TNPO3: variants seen among roughly 807,000 people sequenced by gnomAD.
TNPO3 encodes transportin-3.
Under a neutral mutation model 122.8 loss-of-function variants are expected in TNPO3, and 65 were observed. The observed-to-expected ratio is 0.53, with a 90% CI of 0.43 to 0.65. TNPO3 has a LOEUF of 0.65. Ranked by LOEUF, TNPO3 falls within the 30% of genes least tolerant of loss-of-function variation. TNPO3 has a pLI of 0.00. For missense variants in TNPO3, 850 were observed against 1,136.7 expected (o/e 0.75, Z 3.63); for synonymous variants, 372 against 411.2 (o/e 0.90, Z 1.15).
chr7:129,021,260 C>A (rs144555140), intron 1 of TNPO3, among the ~76,000 whole-genome samples: 3 of 151,390 alleles, frequency 2.0e-5, no homozygotes, highest in African/African-American at 7.3e-5. Context: ...GAGGCTGAGA[C>A]GGCAGAATCA....
intron 16 of TNPO3, among the ~76,000 whole-genome samples, chr7:128,978,577 T>C (rs907984728): frequency 2.8e-4 from 43 of 152,210 alleles, no homozygotes; most frequent in Non-Finnish European, 3.2e-4. Context: ...GGCACTAATC[T>C]CTTTCAAGTG....
chr7:129,009,233 G>A (rs1802916597), intron 4 of TNPO3, among the ~76,000 whole-genome samples: 2 of 152,170 alleles, frequency 1.3e-5, no homozygotes, highest in Non-Finnish European at 2.9e-5. Flanking sequence ...AGAGCAAGCA[G>A]AAACACGTTT....
At position 128,993,809 on chromosome 7, in the gene TNPO3, G is replaced by C; in HGVS notation, c.1264C>G (p.Gln422Glu). ...AAACAATCTCCAAATAGGCTTACCTGAGCAAAACACTCCATAGACCCTATC... is the reference window on the plus strand; with the variant it reads ...AAACAATCTCCAAATAGGCTTACCTCAGCAAAACACTCCATAGACCCTATC... ...FLIGSMECFA[Q>E]LYSTLKEGNP... Residue 422 changes from glutamine (Q) to glutamate (E), a missense_variant and splice_region_variant, in exon 9 of 23, where the codon CAG becomes GAG. Gln to Glu is a conservative substitution (Grantham distance 29). Coordinates refer to ENST00000265388, the MANE Select transcript of TNPO3 (RefSeq NM_012470.4). 6.2e-7 allele frequency: 1 copy of C among 1,612,476 alleles called. No homozygotes were observed. The highest frequency in any genetic ancestry group is 8.5e-7 in the Non-Finnish European group (1 of 1,179,390).
At chr7:129,048,994 A>G (rs1317888312) in intron 1 of TNPO3, among the ~76,000 whole-genome samples, 1 of 152,236 alleles carries the variant, frequency 6.6e-6, no homozygotes, top group African/African-American at 2.4e-5. Flanking sequence ...AAAGGCAAAC[A>G]CAATGAAGTA....
intron 13 of TNPO3, 66 bp downstream of exon 13, chr7:128,984,102 T>C: frequency 9.7e-7 from 1 of 1,034,382 alleles, no homozygotes; most frequent in South Asian, 1.8e-5. Context: ...ATAAGTAATT[T>C]CATCTTTTCA....
At chr7:128,972,283 G>T in intron 19 of TNPO3, 143 bp downstream of exon 19, 1 of 890,080 alleles carries the variant, frequency 1.1e-6, no homozygotes. Context: ...TGATATTTTG[G>T]CTAGTGAATG....
At chr7:129,002,846 A>C (rs556980645) in intron 5 of TNPO3, among the ~76,000 whole-genome samples, 1 of 151,828 alleles carries the variant, frequency 6.6e-6, no homozygotes, top group Non-Finnish European at 1.5e-5. Context: ...AGGTCAGGAG[A>C]TCGAGACCAC....
At chr7:129,041,801 C>A in intron 1 of TNPO3, 3 of 918,648 alleles carry the variant, frequency 3.3e-6, no homozygotes, top group Non-Finnish European at 3.9e-6. Flanking sequence ...GCCTTTATAT[C>A]AGTCTTTTCA....
At chr7:129,005,633 T>C (rs947443620) in intron 4 of TNPO3, among the ~76,000 whole-genome samples, 1 of 152,008 alleles carries the variant, frequency 6.6e-6, no homozygotes, top group African/African-American at 2.4e-5. Flanking sequence ...CGTGTGAACA[T>C]GTGTCTGCTT....
intron 6 of TNPO3, 107 bp downstream of exon 6, chr7:129,000,952 A>T: frequency 7.5e-7 from 1 of 1,339,340 alleles, no homozygotes; most frequent in Non-Finnish European, 1.0e-6. Context: ...TCTGTACTTT[A>T]CAGAATCACT....
chr7:128,962,233 C>T (rs892545453), intron 21 of TNPO3, among the ~76,000 whole-genome samples: 8 of 151,946 alleles, frequency 5.3e-5, no homozygotes, highest in East Asian at 1.9e-4. Context: ...GGCGCGGTGG[C>T]GGGTGCCTGT....
In TNPO3 at chr7:129,017,958, T is replaced by C. The variant is rs1804034381; in HGVS notation, c.320A>G (p.Gln107Arg). The change falls in exon 2 of 23, where the codon CAG becomes CGG. Residue 107 changes from glutamine (Q) to arginine (R), a missense_variant and splice_region_variant. Coordinates refer to ENST00000265388, the MANE Select transcript of TNPO3 (RefSeq NM_012470.4). ...LKDLSPVIVT[Q>R]LALAIADLAL... ...TCTAATGAGAAGCACAGGATTTACC[T>C]GCGTTACAATAACAGGTGACAAGTC... The C allele has an allele frequency of 6.2e-7, 1 of 1,614,080 alleles. No individual in the cohort carries two copies. Among genetic ancestry groups the C allele is most frequent in the Non-Finnish European group, 8.5e-7 (1 of 1,179,950 alleles).
chr7:128,967,739 AACACACAC>A (rs35430377), intron 20 of TNPO3, among the ~76,000 whole-genome samples: 2 of 148,320 alleles, frequency 1.3e-5, no homozygotes, highest in African/African-American at 2.5e-5. Context: ...TGCGAACATG[AACACACAC>A]ACACACACAC....
chr7:129,016,010 TC>T (rs1201909339), intron 3 of TNPO3, among the ~76,000 whole-genome samples: 2 of 151,324 alleles, frequency 1.3e-5, no homozygotes, highest in African/African-American at 4.9e-5. Context: ...GCCCGGGAAG[TC>T]GAGGCTGAGG....
At chr7:128,994,345 A>G (rs559296222) in intron 8 of TNPO3, among the ~76,000 whole-genome samples, 28 of 152,156 alleles carry the variant, frequency 1.8e-4, no homozygotes, top group Admixed American at 1.2e-3. Context: ...TTTAGTAGAG[A>G]CAGGGTTTTA....
chr7:128,984,366 T>C, intron 12 of TNPO3, 107 bp from the exon 13 acceptor site: 1 of 628,668 alleles, frequency 1.6e-6, no homozygotes, highest in Non-Finnish European at 2.7e-6. Context: ...TTTGGTTCCA[T>C]TCTTTTAAAA....
At chr7:128,988,258 G>T (rs1800378722) in intron 11 of TNPO3, among the ~76,000 whole-genome samples, 1 of 152,156 alleles carries the variant, frequency 6.6e-6, no homozygotes, top group South Asian at 2.1e-4. Context: ...TTACAGGTGT[G>T]AGCCACCATG....
chr7:128,982,230 CAG>C lies in TNPO3; in HGVS notation c.1859+16_1859+17del. On this transcript the variant is annotated intron_variant, in intron 14 of 22. Transcript: ENST00000265388. ...GAGCCTTTAACCCAAGTAAGGCATC[CAG>C]AGTCTCCTTTCTTACCTAAATATCA... 6.2e-7 allele frequency: 1 copy of C among 1,607,792 alleles called. No homozygotes were observed. The highest frequency in any genetic ancestry group is 8.5e-7 in the Non-Finnish European group (1 of 1,175,256).
intron 1 of TNPO3, among the ~76,000 whole-genome samples, chr7:129,020,818 T>C (rs1804400668): frequency 6.6e-6 from 1 of 152,148 alleles, no homozygotes; most frequent in African/African-American, 2.4e-5. Context: ...AACAGAGCAT[T>C]AGATAGCAAC....
Sources: allele counts gnomAD v4.1 joint callset (sites outside exome capture counted in the v4.1 genomes callset), GRCh38; gene constraint gnomAD v4.1.1; transcripts MANE v1.5; gene names NCBI Gene and HGNC (gene_info 2026-07-23, HGNC 2026-07-21).